AGTPBP1: variants seen among roughly 807,000 people sequenced by gnomAD.
AGTPBP1 encodes cytosolic carboxypeptidase 1.
In AGTPBP1, 70 loss-of-function variants were observed where a neutral mutation model predicts 143.9. The ratio of observed to expected loss-of-function variants is 0.49; its 90% confidence interval spans 0.40 to 0.59. AGTPBP1 has a LOEUF of 0.59. Ranked by LOEUF, AGTPBP1 falls within the 20% of genes least tolerant of loss-of-function variation. The pLI is 0.00. For missense variants in AGTPBP1, 1,229 were observed against 1,464.5 expected (o/e 0.84, Z 2.62); for synonymous variants, 463 against 500.2 (o/e 0.93, Z 0.99).
chr9:85,758,214 C>T, the AGTPBP1 span, among the ~76,000 whole-genome samples: 1 of 152,088 alleles, frequency 6.6e-6, no homozygotes, highest in Non-Finnish European at 1.5e-5. Context: ...AAAAAATAAA[C>T]TCAGAGACAT....
At chr9:85,739,739 C>G (rs1004749114) in intron 1 of AGTPBP1, among the ~76,000 whole-genome samples, 1 of 149,524 alleles carries the variant, frequency 6.7e-6, no homozygotes, top group African/African-American at 2.5e-5. Flanking sequence ...TCAGGCCAAG[C>G]TTGGTGGCTC....
At chr9:85,759,182 A>T in the AGTPBP1 span, among the ~76,000 whole-genome samples, 2 of 152,172 alleles carry the variant, frequency 1.3e-5, no homozygotes, top group Non-Finnish European at 2.9e-5. Flanking sequence ...GGAGACTTTA[A>T]CACCCCACTG....
At chr9:85,762,893 C>T in the AGTPBP1 span, among the ~76,000 whole-genome samples, 2 of 149,626 alleles carry the variant, frequency 1.3e-5, no homozygotes, top group Admixed American at 1.3e-4. Context: ...AATAGCCCAT[C>T]AAGGGCCCAG....
the AGTPBP1 span, among the ~76,000 whole-genome samples, chr9:85,777,213 G>A: frequency 6.6e-6 from 1 of 152,220 alleles, no homozygotes; most frequent in Admixed American, 6.5e-5. Flanking sequence ...GGCATTCTGT[G>A]AGTCCATGGA....
chr9:85,678,360 G>A lies in AGTPBP1; in HGVS notation c.264C>T (p.Ser88=). The A allele has an allele frequency of 4.4e-6, 7 of 1,595,384 alleles. No homozygotes were observed. The highest frequency in any genetic ancestry group is 6.0e-6 in the Non-Finnish European group (7 of 1,168,356). The change falls in exon 5 of 26, where the codon AGC becomes AGT. Residue 88 remains serine (S), a synonymous_variant. Coordinates refer to ENST00000357081, the MANE Select transcript of AGTPBP1 (RefSeq NM_001330701.2). ...CAGCTGACACCAGCTCAACAAGAATGCTTAAGATATTAAGTGTAGTTTGAA... is the reference window on the plus strand; with the variant it reads ...CAGCTGACACCAGCTCAACAAGAATACTTAAGATATTAAGTGTAGTTTGAA... The part of the protein sequence containing the change: ...KDLQTTLNIL[S]ILVELVSAGG...
rs1213036971 is a variant in AGTPBP1, at chr9:85,672,732, A to T, written c.437-51T>A. ...TATGCACATACAACTTTTCTTTTTA[A>T]TTTTTTTTTTTTTTTTTTTTGAGAC... On this transcript the variant is annotated intron_variant, in intron 6 of 25. Coordinates refer to ENST00000357081, the MANE Select transcript of AGTPBP1 (RefSeq NM_001330701.2). The T allele has an allele frequency of 7.3e-5, 67 of 920,084 alleles. No homozygotes were observed. The East Asian group carries it at 1.4e-3, about 19-fold the overall frequency. The allele number at this position is 920,084 out of a possible 1,614,324, so 57.0% of individuals were successfully genotyped here. A position where few individuals can be genotyped will look rare whatever the true frequency, so the allele number is the denominator to read the frequency against.
At position 85,721,490 on chromosome 9, in the gene AGTPBP1, C is replaced by CT. The variant is rs56681803; in HGVS notation, c.-33-8925dup. Among the ~76,000 whole-genome samples the CT allele has an allele frequency of 7.2e-3, 963 of 133,150 alleles. 7 individuals are homozygous for CT. Among genetic ancestry groups the CT allele is most frequent in the Middle Eastern group, 0.019 (5 of 260 alleles). The allele number at this position is 133,150 out of a possible 152,430, so 87.4% of individuals were successfully genotyped here. A position where few individuals can be genotyped will look rare whatever the true frequency, so the allele number is the denominator to read the frequency against. ...TCAGAGACTAGGATTGCAACCCCTGCTTTTTTTTTTTTTTTTTCTTTCCAT... is the reference window on the plus strand; with the variant it reads ...TCAGAGACTAGGATTGCAACCCCTGCTTTTTTTTTTTTTTTTTTCTTTCCAT... On this transcript the variant is annotated intron_variant, in intron 1 of 25. Coordinates refer to ENST00000357081, the MANE Select transcript of AGTPBP1 (RefSeq NM_001330701.2).
Position 85,642,860 on chromosome 9 carries a change from T to A in AGTPBP1, c.1269A>T (p.Glu423Asp), listed in dbSNP as rs1832576945. The A allele has an allele frequency of 6.2e-7, 1 of 1,613,084 alleles. No individual in the cohort carries two copies. The highest frequency in any genetic ancestry group is 8.5e-7 in the Non-Finnish European group (1 of 1,179,714). ...GRTIEDLKMYEHLFPELVDDF... is the reference protein window; with the variant it reads ...GRTIEDLKMYDHLFPELVDDF... ...CATCAACAAGCTCAGGGAAAAGGTG[T>A]TCATACATTTTTAGATCTTCTATTG... Residue 423 changes from glutamate (E) to aspartate (D), a missense_variant, in exon 13 of 26, where the codon GAA (glutamate) becomes GAT (aspartate). Physicochemically the swap from Glu to Asp is conservative, Grantham distance 45 (BLOSUM62 2). Transcript: ENST00000357081.
chr9:85,677,011 T>C (rs1352491858), intron 6 of AGTPBP1, among the ~76,000 whole-genome samples: 1 of 152,124 alleles, frequency 6.6e-6, no homozygotes, highest in African/African-American at 2.4e-5. Flanking sequence ...GTGAATAGAA[T>C]AGTGGTTATC....
At chr9:85,758,280 T>C in the AGTPBP1 span, among the ~76,000 whole-genome samples, 1 of 152,048 alleles carries the variant, frequency 6.6e-6, no homozygotes, top group East Asian at 1.9e-4. Context: ...ATCCTCAATG[T>C]GGTAAAAGAT....
At chr9:85,630,785 G>T (rs567064877) in intron 14 of AGTPBP1, among the ~76,000 whole-genome samples, 2 of 151,912 alleles carry the variant, frequency 1.3e-5, no homozygotes, top group Non-Finnish European at 2.9e-5. Flanking sequence ...CAGGCCCCAG[G>T]ATCTATTTAA....
At chr9:85,640,315 A>G (rs1458190699) in intron 13 of AGTPBP1, among the ~76,000 whole-genome samples, 1 of 152,212 alleles carries the variant, frequency 6.6e-6, no homozygotes, top group Non-Finnish European at 1.5e-5. Context: ...AAGATAATCA[A>G]GTGGCAACAC....
chr9:85,555,049 A>T (rs1185505829), intron 25 of AGTPBP1, among the ~76,000 whole-genome samples: 1 of 152,194 alleles, frequency 6.6e-6, no homozygotes, highest in African/African-American at 2.4e-5. Context: ...AAGGATAGAA[A>T]ACTTAAATCT....
intron 17 of AGTPBP1, among the ~76,000 whole-genome samples, chr9:85,602,442 C>T (rs1829733166): frequency 6.6e-6 from 1 of 151,966 alleles, no homozygotes; most frequent in Admixed American, 6.6e-5. Context: ...ATAACCCAGT[C>T]AGACACAAAT....
the AGTPBP1 span, among the ~76,000 whole-genome samples, chr9:85,782,710 A>C: frequency 9.9e-5 from 15 of 152,188 alleles, no homozygotes; most frequent in Non-Finnish European, 1.3e-4. Flanking sequence ...TGTCCCTCAT[A>C]TTCTGACTGC....
chr9:85,624,095 A>G (rs1219746740), intron 14 of AGTPBP1, among the ~76,000 whole-genome samples: 2 of 152,232 alleles, frequency 1.3e-5, no homozygotes, highest in African/African-American at 4.8e-5. Context: ...ACCACAGGGC[A>G]ACACTATAAG....
chr9:85,745,413 T>C (rs1257324117), upstream of AGTPBP1, among the ~76,000 whole-genome samples: 3 of 152,246 alleles, frequency 2.0e-5, no homozygotes, highest in Non-Finnish European at 4.4e-5. Context: ...GCACCTCTTA[T>C]GTACCAGACA....
intron 25 of AGTPBP1, among the ~76,000 whole-genome samples, chr9:85,574,052 T>A (rs1827726907): frequency 6.6e-6 from 1 of 152,280 alleles, no homozygotes; most frequent in South Asian, 2.1e-4. Flanking sequence ...GGGAAAAGAT[T>A]GAGAAATCGG....
chr9:85,792,823 T>G, the AGTPBP1 span, among the ~76,000 whole-genome samples: 1 of 152,184 alleles, frequency 6.6e-6, no homozygotes, highest in Non-Finnish European at 1.5e-5. Flanking sequence ...AAGCATCATA[T>G]ATGTTTAAGA....
Sources: gnomAD v4.1 joint callset for allele counts (sites outside exome capture counted in the v4.1 genomes callset) on GRCh38, gnomAD v4.1.1 for gene constraint, MANE v1.5 for transcripts, NCBI Gene and HGNC (gene_info 2026-07-23, HGNC 2026-07-21) for gene names.